MAGI2: variants seen among roughly 807,000 people sequenced by gnomAD.
The protein encoded by MAGI2 is membrane-associated guanylate kinase, WW and PDZ domain-containing protein 2.
Under a neutral mutation model 133.3 loss-of-function variants are expected in MAGI2, and 35 were observed. The ratio of observed to expected loss-of-function variants is 0.26; its 90% CI spans 0.20 to 0.35. MAGI2 has a LOEUF of 0.35. Ranked by LOEUF, MAGI2 falls within the 10% of genes least tolerant of loss-of-function variation. The pLI is 1.00. For missense variants in MAGI2, 1,636 were observed against 1,863.4 expected (o/e 0.88, Z 2.25); for synonymous variants, 729 against 710.6 (o/e 1.03, Z -0.41).
chr7:79,109,011 C>T (rs1036318316), intron 1 of MAGI2, among the ~76,000 whole-genome samples: 1 of 152,184 alleles, frequency 6.6e-6, no homozygotes, highest in South Asian at 2.1e-4. Flanking sequence ...GATGCTAGTA[C>T]CATGCTTCCT....
chr7:78,866,172 C>G (rs1052882849), intron 2 of MAGI2, among the ~76,000 whole-genome samples: 1 of 152,116 alleles, frequency 6.6e-6, no homozygotes, highest in African/African-American at 2.4e-5. Flanking sequence ...TCCACTTTTC[C>G]CTGCTTGTGC....
At chr7:78,919,741 A>G (rs991023412) in intron 2 of MAGI2, among the ~76,000 whole-genome samples, 10 of 152,270 alleles carry the variant, frequency 6.6e-5, no homozygotes, top group South Asian at 2.1e-4. Flanking sequence ...AAAGATAGAT[A>G]TGACTCACTT....
intron 6 of MAGI2, among the ~76,000 whole-genome samples, chr7:78,459,335 G>A (rs1789709098): frequency 6.6e-6 from 1 of 152,156 alleles, no homozygotes. Flanking sequence ...CATAAACTTT[G>A]GTGAGTAGAG....
intron 2 of MAGI2, among the ~76,000 whole-genome samples, chr7:78,685,189 A>G (rs1391742297): frequency 2.6e-5 from 4 of 152,194 alleles, no homozygotes; most frequent in Non-Finnish European, 5.9e-5. Context: ...AAAACATTGT[A>G]AAAGCTTTTC....
intron 1 of MAGI2, among the ~76,000 whole-genome samples, chr7:79,433,326 T>C (rs1475408290): frequency 1.3e-5 from 2 of 151,892 alleles, no homozygotes; most frequent in African/African-American, 4.8e-5. Flanking sequence ...CCGAGGCGGA[T>C]GGATCATGAG....
chr7:78,846,679 G>A (rs907233128), intron 2 of MAGI2, among the ~76,000 whole-genome samples: 1 of 151,874 alleles, frequency 6.6e-6, no homozygotes, highest in Admixed American at 6.6e-5. Context: ...ACTGCCATGT[G>A]GAACTGACGA....
At chr7:79,235,250 T>C (rs772207906) in intron 1 of MAGI2, among the ~76,000 whole-genome samples, 1 of 152,182 alleles carries the variant, frequency 6.6e-6, no homozygotes, top group Non-Finnish European at 1.5e-5. Context: ...TTTTTTTGTT[T>C]GTCTGTGCCC....
At chr7:79,001,359 A>G (rs1362957153) in intron 2 of MAGI2, among the ~76,000 whole-genome samples, 1 of 152,252 alleles carries the variant, frequency 6.6e-6, no homozygotes, top group Non-Finnish European at 1.5e-5. Context: ...GACAAAGAAC[A>G]GTCTTGGGAG....
intron 6 of MAGI2, among the ~76,000 whole-genome samples, chr7:78,421,969 T>C (rs1798842665): frequency 6.6e-6 from 1 of 152,210 alleles, no homozygotes; most frequent in South Asian, 2.1e-4. Context: ...GATATATCAA[T>C]ACAAAATACT....
In MAGI2 at chr7:78,501,697, T is replaced by A. The variant is rs777926959; in HGVS notation, c.845A>T (p.Glu282Val). 7 of 1,614,112 alleles carry A rather than the reference T, an allele frequency of 4.3e-6. No homozygotes were observed. Among genetic ancestry groups the A allele is most frequent in the Non-Finnish European group, 5.1e-6 (6 of 1,179,994 alleles). The change falls in exon 5 of 22, where the codon GAG becomes GTG. Residue 282 changes from glutamate (E) to valine (V), a missense_variant. Physicochemically the swap from Glu to Val is moderately radical, Grantham distance 121 (BLOSUM62 -2). Around this residue, in one of 5 missense-constraint regions of MAGI2, gnomAD observed 165 missense variants for 128.4 expected, o/e 1.28. Coordinates refer to ENST00000354212, the MANE Select transcript of MAGI2 (RefSeq NM_012301.4). ...TGTGTCATCCATCTGCTCCTTCAGCTCCTCAGGCTGACTGTACACTGGTGC... is the reference window on the plus strand; with the variant it reads ...TGTGTCATCCATCTGCTCCTTCAGCACCTCAGGCTGACTGTACACTGGTGC... ...YPAPVYSQPE[E>V]LKEQMDDTKP...
rs1798174658 is a variant in MAGI2 at position 78,415,010 on chromosome 7, C to T, written c.1046-45797G>A. 2.6e-5 allele frequency among the ~76,000 whole-genome samples: 4 copies of T among 151,984 alleles called. No individual in the cohort carries two copies. In the South Asian group the frequency reaches 8.3e-4, roughly 32 times the overall value. On this transcript the variant is annotated intron_variant, in intron 6 of 21. Coordinates refer to ENST00000354212, the MANE Select transcript of MAGI2 (RefSeq NM_012301.4). ...TAAGTGAGACAAGGATGGAGCTATACAATAATAGATTTCATAAAAAGGTCC... is the reference window on the plus strand; with the variant it reads ...TAAGTGAGACAAGGATGGAGCTATATAATAATAGATTTCATAAAAAGGTCC...
chr7:79,273,757 C>T (rs1835041914), intron 1 of MAGI2, among the ~76,000 whole-genome samples: 1 of 151,996 alleles, frequency 6.6e-6, no homozygotes, highest in South Asian at 2.1e-4. Flanking sequence ...CTGTTCTCCC[C>T]AGTGTTCCAC....
chr7:79,072,192 T>C (rs1815054103), intron 1 of MAGI2, among the ~76,000 whole-genome samples: 1 of 152,030 alleles, frequency 6.6e-6, no homozygotes, highest in South Asian at 2.1e-4. Context: ...ACTCGCCTTC[T>C]GTGCCAATCT....
intron 9 of MAGI2, among the ~76,000 whole-genome samples, chr7:78,342,795 A>C (rs1010373336): frequency 6.6e-6 from 1 of 152,016 alleles, no homozygotes; most frequent in East Asian, 1.9e-4. Flanking sequence ...AACATCACAC[A>C]CTGGGGCCTG....
intron 6 of MAGI2, among the ~76,000 whole-genome samples, chr7:78,386,141 A>G (rs1490991801): frequency 6.6e-6 from 1 of 152,182 alleles, no homozygotes; most frequent in Non-Finnish European, 1.5e-5. Flanking sequence ...GGAATAAAAA[A>G]TGTAATCTCT....
At chr7:79,066,137 G>C (rs908917851) in intron 1 of MAGI2, among the ~76,000 whole-genome samples, 21 of 152,014 alleles carry the variant, frequency 1.4e-4, no homozygotes, top group African/African-American at 4.6e-4. Context: ...AATCGCCATA[G>C]TGTCTGCCAC....
chr7:79,312,182 C>T (rs1838341644), intron 1 of MAGI2, among the ~76,000 whole-genome samples: 1 of 152,104 alleles, frequency 6.6e-6, no homozygotes, highest in Non-Finnish European at 1.5e-5. Context: ...TAAGTCAAGT[C>T]GAAGCATGTC....
chr7:78,741,038 T>C (rs995952690), intron 2 of MAGI2, among the ~76,000 whole-genome samples: 8 of 152,110 alleles, frequency 5.3e-5, no homozygotes, highest in African/African-American at 1.4e-4. Flanking sequence ...GATTTGAAGA[T>C]AGAAAAAAAG....
chr7:78,408,823 T>G (rs1239218700), intron 6 of MAGI2, among the ~76,000 whole-genome samples: 1 of 152,160 alleles, frequency 6.6e-6, no homozygotes, highest in African/African-American at 2.4e-5. Flanking sequence ...ATTATTAAAA[T>G]GCATTTCATG....
Sources: allele counts gnomAD v4.1 joint callset (sites outside exome capture counted in the v4.1 genomes callset), GRCh38; gene constraint gnomAD v4.1.1; regional missense constraint gnomAD v4.1.1; transcripts MANE v1.5; gene names NCBI Gene and HGNC (gene_info 2026-07-23, HGNC 2026-07-21).